PCSK2: variants seen among roughly 807,000 people sequenced by gnomAD.
The protein encoded by PCSK2 is proprotein convertase subtilisin/kexin type 2, also known as neuroendocrine convertase 2.
In PCSK2, 14 loss-of-function variants were observed where a neutral mutation model predicts 69.7. The observed-to-expected ratio is 0.20, with a 90% CI of 0.13 to 0.31. PCSK2 has a LOEUF of 0.31. Among genes scored for constraint, PCSK2 ranks in the 10% least tolerant of loss-of-function variants. The probability of loss-of-function intolerance (pLI) is 1.00; values close to 1 mark genes in which losing one functional copy is unlikely to be tolerated. For synonymous variants in PCSK2, 307 were observed against 320.7 expected (o/e 0.96, Z 0.46); for missense variants, 544 against 842.5 (o/e 0.65, Z 4.39).
intron 5 of PCSK2, among the ~76,000 whole-genome samples, chr20:17,374,365 A>G (rs1247452000): frequency 2.0e-5 from 3 of 152,184 alleles, no homozygotes; most frequent in Non-Finnish European, 2.9e-5. Context: ...TGTTAGGTCT[A>G]TGGAACAAAG....
intron 2 of PCSK2, among the ~76,000 whole-genome samples, chr20:17,344,182 G>A (rs1052348760): frequency 5.9e-5 from 9 of 152,304 alleles, no homozygotes; most frequent in East Asian, 1.9e-4. Flanking sequence ...TGCTCTGTGC[G>A]TAAGTAGAAG....
intron 2 of PCSK2, among the ~76,000 whole-genome samples, 169 bp downstream of exon 2, chr20:17,260,513 C>A (rs761477520): frequency 6.6e-6 from 1 of 152,158 alleles, no homozygotes; most frequent in Non-Finnish European, 1.5e-5. Flanking sequence ...GCTCCTTTGT[C>A]TCTGCATAAT....
chr20:17,391,906 G>GAGGAAGGAAGGAAGGAAGGGAGGAAGGA (rs2031385196), intron 5 of PCSK2, among the ~76,000 whole-genome samples: 1 of 99,966 alleles, frequency 1.0e-5, no homozygotes, highest in Non-Finnish European at 2.0e-5. Context: ...GAAAGAGAGA[G>GAGGAAGGAAGGAAGGAAGGGAGGAAGGA]AGGAAGGAAG....
At chr20:17,389,769 A>G (rs1218331479) in intron 5 of PCSK2, among the ~76,000 whole-genome samples, 1 of 152,194 alleles carries the variant, frequency 6.6e-6, no homozygotes, top group Non-Finnish European at 1.5e-5. Context: ...ACTTAAAGAT[A>G]GGTATTTGTG....
chr20:17,343,082 T>C (rs1235045564), intron 2 of PCSK2, among the ~76,000 whole-genome samples: 1 of 152,198 alleles, frequency 6.6e-6, no homozygotes, highest in Non-Finnish European at 1.5e-5. Context: ...AAGTGGTAGA[T>C]TCAGTATGTG....
chr20:17,476,020 C>T (rs2033283024), intron 11 of PCSK2, among the ~76,000 whole-genome samples: 1 of 152,250 alleles, frequency 6.6e-6, no homozygotes, highest in Non-Finnish European at 1.5e-5. Flanking sequence ...TGGCTCAACT[C>T]TAGAAGGAAA....
chr20:17,317,466 G>T (rs1192774976), intron 2 of PCSK2, among the ~76,000 whole-genome samples: 1 of 152,150 alleles, frequency 6.6e-6, no homozygotes, highest in African/African-American at 2.4e-5. Context: ...ATTTCCCACT[G>T]TGCTGCCGCC....
At chr20:17,347,872 A>AAAAG (rs201865268) in intron 2 of PCSK2, among the ~76,000 whole-genome samples, 957 of 88,816 alleles carry the variant, frequency 0.011, 33 homozygotes, top group South Asian at 0.043. Context: ...GGAGAGAGAA[A>AAAAG]AAAGAAAGAA....
In PCSK2 at chr20:17,465,390, C is replaced by G; in HGVS notation, c.1267C>G (p.His423Asp). The G allele has an allele frequency of 6.2e-7, 1 of 1,614,210 alleles. No homozygotes were observed. The highest frequency in any genetic ancestry group is 8.5e-7 in the Non-Finnish European group (1 of 1,180,038). The stretch of plus-strand genomic sequence containing the variant: ...GCTCACCTCCAAACGGAACCAGCTT[C>G]ACGACGAGGTCCATCAGTGGCGGCG... ...TVLTSKRNQL[H>D]DEVHQWRRNG... The change falls in exon 11 of 12, where the codon CAC becomes GAC. Residue 423 changes from histidine (H) to aspartate (D), a missense_variant. Physicochemically the swap from His to Asp is moderately conservative, Grantham distance 81. This residue lies in a region of PCSK2 where 200 missense variants were observed against 287.8 expected (regional missense o/e 0.69). Transcript: ENST00000262545.
intron 2 of PCSK2, among the ~76,000 whole-genome samples, chr20:17,296,857 T>C (rs533375351): frequency 2.0e-5 from 3 of 152,340 alleles, no homozygotes; most frequent in African/African-American, 7.2e-5. Context: ...AGTAAGATAA[T>C]GTATGTCTAA....
intron 2 of PCSK2, among the ~76,000 whole-genome samples, chr20:17,322,751 A>G (rs1487910323): frequency 1.3e-5 from 2 of 152,218 alleles, no homozygotes; most frequent in Non-Finnish European, 2.9e-5. Context: ...ATGGAAGGAC[A>G]AGAAAGGTGA....
At chr20:17,352,493 A>T (rs1389489258) in intron 2 of PCSK2, among the ~76,000 whole-genome samples, 1 of 152,230 alleles carries the variant, frequency 6.6e-6, no homozygotes, top group East Asian at 1.9e-4. Context: ...AGTGGTACAA[A>T]AACAGACACA....
chr20:17,323,564 T>C (rs2123136567), intron 2 of PCSK2, among the ~76,000 whole-genome samples: 1 of 152,352 alleles, frequency 6.6e-6, no homozygotes, highest in African/African-American at 2.4e-5. Flanking sequence ...GAGCCAGGGT[T>C]CTAACTTCAG....
chr20:17,426,308 C>G (rs755348870), intron 6 of PCSK2, among the ~76,000 whole-genome samples: 1 of 152,150 alleles, frequency 6.6e-6, no homozygotes, highest in African/African-American at 2.4e-5. Flanking sequence ...GTGCCTTCCA[C>G]CATGATTTTA....
intron 4 of PCSK2, among the ~76,000 whole-genome samples, chr20:17,363,375 C>T (rs992506178): frequency 2.0e-5 from 3 of 152,168 alleles, no homozygotes; most frequent in East Asian, 3.8e-4. Flanking sequence ...AGGAGAGGAC[C>T]TCCATGGTTA....
chr20:17,265,451 C>T (rs1987562671), intron 2 of PCSK2, among the ~76,000 whole-genome samples: 1 of 151,866 alleles, frequency 6.6e-6, no homozygotes, highest in East Asian at 1.9e-4. Context: ...ATTTATCTTC[C>T]AAATGTTTTA....
At chr20:17,322,820 A>G (rs539969646) in intron 2 of PCSK2, among the ~76,000 whole-genome samples, 1 of 152,272 alleles carries the variant, frequency 6.6e-6, no homozygotes, top group Admixed American at 6.5e-5. Context: ...TGGCACCTTC[A>G]TGACTTAATC....
At chr20:17,379,930 C>T (rs1271599030) in intron 5 of PCSK2, among the ~76,000 whole-genome samples, 3 of 152,170 alleles carry the variant, frequency 2.0e-5, no homozygotes, top group Admixed American at 6.5e-5. Context: ...CACCTGTTGG[C>T]CTTGAAGATG....
intron 1 of PCSK2, among the ~76,000 whole-genome samples, chr20:17,241,792 C>T (rs1041245673): frequency 1.4e-4 from 21 of 152,156 alleles, no homozygotes; most frequent in Non-Finnish European, 2.6e-4. Context: ...AGAACAAATC[C>T]CGTAACTTAG....
Sources: allele counts gnomAD v4.1 joint callset (sites outside exome capture counted in the v4.1 genomes callset), GRCh38; gene constraint gnomAD v4.1.1; regional missense constraint gnomAD v4.1.1; transcripts MANE v1.5; gene names NCBI Gene and HGNC (gene_info 2026-07-23, HGNC 2026-07-21).